Variants in RAD51B observed in about 807,000 individuals in gnomAD.
RAD51B encodes DNA repair protein RAD51 homolog 2.
RAD51B carries 38 observed loss-of-function variants against 42.2 expected under a neutral mutation model. That is an observed-to-expected ratio of 0.90 (90% CI 0.70 to 1.18). The LOEUF (loss-of-function observed/expected upper bound fraction) is 1.18. RAD51B is among the 50% of genes most tolerant of loss of function. The pLI is 0.00. For synonymous variants in RAD51B, 154 were observed against 145.2 expected (o/e 1.06, Z -0.43); for missense variants, 373 against 400.7 (o/e 0.93, Z 0.59).
intron 4 of RAD51B, among the ~76,000 whole-genome samples, chr14:67,853,077 T>C (rs2041878621): frequency 6.6e-6 from 1 of 152,170 alleles, no homozygotes; most frequent in Non-Finnish European, 1.5e-5. Context: ...ATTGCTGCCT[T>C]GAAGGTGGAG....
chr14:68,350,778 A>C (rs1249363149), intron 8 of RAD51B, among the ~76,000 whole-genome samples: 1 of 152,192 alleles, frequency 6.6e-6, no homozygotes, highest in Non-Finnish European at 1.5e-5. Flanking sequence ...CACTGAACAC[A>C]TTTGCCTTCA....
At chr14:68,022,609 G>A (rs1251108162) in intron 7 of RAD51B, among the ~76,000 whole-genome samples, 3 of 151,722 alleles carry the variant, frequency 2.0e-5, no homozygotes, top group African/African-American at 7.3e-5. Context: ...GTGTTGATGG[G>A]CATTTTTTCA....
At chr14:68,278,702 G>A (rs1488972191) in intron 7 of RAD51B, among the ~76,000 whole-genome samples, 1 of 152,122 alleles carries the variant, frequency 6.6e-6, no homozygotes, top group East Asian at 1.9e-4. Flanking sequence ...AACAACAGTG[G>A]CTTCTCATCT....
chr14:68,621,045 C>A (rs749203446), intron 10 of RAD51B, among the ~76,000 whole-genome samples: 1 of 152,248 alleles, frequency 6.6e-6, no homozygotes, highest in Non-Finnish European at 1.5e-5. Flanking sequence ...CCAAACCACT[C>A]CTTGGCAATC....
chr14:68,424,494 C>T (rs554047921), intron 9 of RAD51B, among the ~76,000 whole-genome samples: 29 of 152,324 alleles, frequency 1.9e-4, no homozygotes, highest in African/African-American at 6.0e-4. Flanking sequence ...GCTGTTCTCT[C>T]TTATTTGTAA....
Position 68,292,775 on chromosome 14 carries a change from G to A in RAD51B, c.853+795G>A, listed in dbSNP as rs34856829. On this transcript the variant is annotated intron_variant, in intron 8 of 10. Transcript: ENST00000471583. ...TGCCCAGGTGATCTTCTGCAGATCA[G>A]CTTTGCTTTATGGTCTTAGAAATTG... is the stretch of plus-strand genomic sequence containing the variant. 4.5e-4 allele frequency among the ~76,000 whole-genome samples: 68 copies of A among 152,306 alleles called. 1 individual carries two copies. The East Asian group carries it at 0.012, about 27-fold the overall frequency.
chr14:68,095,176 T>TA (rs1212535899), intron 7 of RAD51B, among the ~76,000 whole-genome samples: 1 of 152,204 alleles, frequency 6.6e-6, no homozygotes, highest in Non-Finnish European at 1.5e-5. Context: ...AATATGTGAG[T>TA]GGTTACTTAG....
chr14:67,987,154 A>G lies in RAD51B; in HGVS notation c.756+99950A>G, dbSNP rs1404143454. ...TCACGTCATGGAGAATGGGGTATCT[A>G]TCCCCTCAAGCATTTATCCTTTGTA... On this transcript the variant is annotated intron_variant, in intron 7 of 10. Transcript: ENST00000471583. 2.6e-5 allele frequency among the ~76,000 whole-genome samples: 4 copies of G among 152,212 alleles called. No homozygotes were observed. In the East Asian group the frequency reaches 5.8e-4, roughly 22 times the overall value.
intron 10 of RAD51B, among the ~76,000 whole-genome samples, chr14:68,573,504 C>T (rs902399906): frequency 6.6e-6 from 1 of 152,176 alleles, no homozygotes; most frequent in African/African-American, 2.4e-5. Flanking sequence ...CTACCTTTGC[C>T]GACATCCCTA....
chr14:68,015,563 C>T (rs917608768), intron 7 of RAD51B, among the ~76,000 whole-genome samples: 1 of 152,132 alleles, frequency 6.6e-6, no homozygotes, highest in Admixed American at 6.6e-5. Flanking sequence ...AGGGCGCGTA[C>T]AGAAGAACTG....
intron 4 of RAD51B, among the ~76,000 whole-genome samples, chr14:67,852,959 A>G (rs1299694217): frequency 6.6e-6 from 1 of 152,140 alleles, no homozygotes; most frequent in Non-Finnish European, 1.5e-5. Flanking sequence ...TAAGATGGGG[A>G]GATTATTTGG....
At chr14:68,043,504 A>G (rs2076248939) in intron 7 of RAD51B, among the ~76,000 whole-genome samples, 1 of 152,164 alleles carries the variant, frequency 6.6e-6, no homozygotes, top group Non-Finnish European at 1.5e-5. Flanking sequence ...TTTTTCTTAG[A>G]TGGGAAGAAA....
rs574734357 is a variant in RAD51B at position 68,338,534 on chromosome 14, G to A, written c.853+46554G>A. On this transcript the variant is annotated intron_variant, in intron 8 of 10. Transcript: ENST00000471583. ...CTGATCAGTCTGGCACAGGTGATAT[G>A]TCTGCCCTTAATCCAACCAGACAAC... Among the ~76,000 whole-genome samples the A allele has an allele frequency of 2.5e-3, 377 of 152,310 alleles. 1 individual carries two copies. The highest frequency in any genetic ancestry group is 3.9e-3 in the Non-Finnish European group (267 of 68,032).
chr14:68,497,651 AG>A (rs1884626547), intron 10 of RAD51B: 1 of 542,844 alleles, frequency 1.8e-6, no homozygotes, highest in African/African-American at 2.0e-5. Flanking sequence ...TCACCCCAAA[AG>A]CAAGACCCAT....
intron 7 of RAD51B, among the ~76,000 whole-genome samples, chr14:68,076,985 A>C (rs1259837198): frequency 1.3e-5 from 2 of 152,284 alleles, no homozygotes; most frequent in East Asian, 3.9e-4. Context: ...GTGCCTTTAA[A>C]TTCAAATTCT....
At chr14:67,927,704 T>TGC (rs201469873) in intron 7 of RAD51B, among the ~76,000 whole-genome samples, 1 of 95,550 alleles carries the variant, frequency 1.0e-5, no homozygotes, top group African/African-American at 9.8e-5. Flanking sequence ...TTTCATTGTA[T>TGC]GTGTGTGTGT....
intron 7 of RAD51B, chr14:67,908,279 T>G (rs913213135): frequency 1.3e-5 from 2 of 152,096 alleles, no homozygotes; most frequent in Admixed American, 6.6e-5. Flanking sequence ...TGCTGTGGTC[T>G]TGGGACTGAG....
At chr14:68,265,885 GA>G (rs565229970) in intron 7 of RAD51B, among the ~76,000 whole-genome samples, 87 of 152,348 alleles carry the variant, frequency 5.7e-4, no homozygotes, top group South Asian at 1.2e-3. Context: ...GGCATTTTGA[GA>G]GAGATATAAA....
At chr14:68,107,702 A>G (rs1186314421) in intron 7 of RAD51B, among the ~76,000 whole-genome samples, 1 of 151,874 alleles carries the variant, frequency 6.6e-6, no homozygotes, top group Non-Finnish European at 1.5e-5. Context: ...CAAGGGTGCC[A>G]AGACAATTCA....
Sources: allele counts gnomAD v4.1 joint callset (sites outside exome capture counted in the v4.1 genomes callset), GRCh38; gene constraint gnomAD v4.1.1; transcripts MANE v1.5; gene names NCBI Gene and HGNC (gene_info 2026-07-23, HGNC 2026-07-21).